Variants in NFIB observed in about 807,000 individuals in gnomAD.
NFIB encodes the protein nuclear factor I B, also known as nuclear factor 1 B-type.
A neutral mutation model predicts 61.5 loss-of-function variants in NFIB; 11 were observed. That is an observed-to-expected ratio of 0.18 (90% CI 0.11 to 0.30). The LOEUF (loss-of-function observed/expected upper bound fraction) is 0.30. Among genes scored for constraint, NFIB ranks in the 10% least tolerant of loss-of-function variants. The pLI is 1.00. For synonymous variants in NFIB, 260 were observed against 216.5 expected (o/e 1.20, Z -1.76); for missense variants, 471 against 608.9 (o/e 0.77, Z 2.38).
At position 14,307,484 on chromosome 9, in the gene NFIB, G is replaced by T. The variant is rs1321377017; in HGVS notation, c.67C>A (p.His23Asn). The change falls in exon 2 of 11, where the codon CAT becomes AAT. Residue 23 changes from histidine (H) to asparagine (N), a missense_variant. Transcript: ENST00000380953. This position sits in a 1 kb window ranked among gnomAD's most constrained non-coding sequence, Gnocchi z 5.3. The stretch of plus-strand genomic sequence containing the variant: ...CAAGTATAGGCAATTGCACGGACAT[G>T]TGGAAGAAGTGCCTCGATGAATGGG... ...FHPFIEALLP[H>N]VRAIAYTWFN... The T allele has an allele frequency of 1.2e-6, 2 of 1,610,610 alleles. No homozygotes were observed. Among genetic ancestry groups the T allele is most frequent in the Non-Finnish European group, 1.7e-6 (2 of 1,177,658 alleles).
the NFIB span, among the ~76,000 whole-genome samples, chr9:14,504,556 C>G: frequency 0.16 from 23,799 of 152,014 alleles, 1,940 homozygotes; most frequent in East Asian, 0.26. Flanking sequence ...CCTTGGTTAG[C>G]TGTATTCCTA....
chr9:14,485,018 G>A, the NFIB span, among the ~76,000 whole-genome samples: 1 of 152,192 alleles, frequency 6.6e-6, no homozygotes, highest in South Asian at 2.1e-4. Context: ...GAAAGAGAGA[G>A]AGAGAGATTG....
At chr9:14,420,378 G>A in the NFIB span, among the ~76,000 whole-genome samples, 1 of 143,408 alleles carries the variant, frequency 7.0e-6, no homozygotes. Context: ...CCCGGGAGGT[G>A]GAGGTTCCGG....
At chr9:14,154,885 T>A (rs1452815052) in intron 4 of NFIB, among the ~76,000 whole-genome samples, 2 of 152,164 alleles carry the variant, frequency 1.3e-5, no homozygotes, top group African/African-American at 4.8e-5. Context: ...CTTATTCTTA[T>A]CCTCAGTAAC....
chr9:14,155,430 C>T, intron 4 of NFIB, among the ~76,000 whole-genome samples: 1 of 152,136 alleles, frequency 6.6e-6, no homozygotes, highest in East Asian at 1.9e-4. Flanking sequence ...CATCTCCAAC[C>T]CCCACCAAAA....
intron 4 of NFIB, among the ~76,000 whole-genome samples, chr9:14,154,198 C>T (rs1363610751): frequency 6.6e-6 from 1 of 152,046 alleles, no homozygotes; most frequent in Admixed American, 6.6e-5. Context: ...TTTGACAGCC[C>T]TTAGCATAAT....
intron 2 of NFIB, among the ~76,000 whole-genome samples, chr9:14,180,190 T>A (rs2046614706): frequency 1.3e-5 from 2 of 152,210 alleles, no homozygotes; most frequent in African/African-American, 4.8e-5. Flanking sequence ...GAAAGTATGT[T>A]TTTATTCAAT....
the NFIB span, among the ~76,000 whole-genome samples, chr9:14,472,020 T>C: frequency 1.3e-5 from 2 of 152,228 alleles, no homozygotes; most frequent in Admixed American, 1.3e-4. Flanking sequence ...CTCTTTAGAC[T>C]GCCCTTGGCA....
intron 8 of NFIB, among the ~76,000 whole-genome samples, chr9:14,119,694 A>T (rs1388936739): frequency 6.6e-6 from 1 of 152,218 alleles, no homozygotes. Context: ...AAATTACATT[A>T]CATGTTTTAG....
At chr9:14,140,293 C>A (rs956060026) in intron 6 of NFIB, among the ~76,000 whole-genome samples, 4 of 152,198 alleles carry the variant, frequency 2.6e-5, no homozygotes, top group African/African-American at 9.6e-5. Context: ...TCTATGACAG[C>A]TGCTTATTCA....
chr9:14,235,841 C>A lies in NFIB; in HGVS notation c.563-56061G>T, dbSNP rs574613841. Among the ~76,000 whole-genome samples, 10 of 152,234 alleles carry A rather than the reference C, an allele frequency of 6.6e-5. No homozygotes were observed. In the South Asian group the frequency reaches 2.1e-3, roughly 32 times the overall value. ...GGAATGCTTGTCCTTATCAGAAACA[C>A]CACTTATCCCCAAGGCTTGAACTTT... On this transcript the variant is annotated intron_variant, in intron 2 of 10. Coordinates refer to ENST00000380953, the MANE Select transcript of NFIB (RefSeq NM_001190737.2).
chr9:14,185,596 T>C (rs541581462), intron 2 of NFIB, among the ~76,000 whole-genome samples: 2 of 152,210 alleles, frequency 1.3e-5, no homozygotes, highest in African/African-American at 2.4e-5. Context: ...TTTAGCCTTA[T>C]AGCCCTAATC....
chr9:14,334,018 C>T (rs2060853780), intron 1 of NFIB, among the ~76,000 whole-genome samples: 1 of 152,226 alleles, frequency 6.6e-6, no homozygotes, highest in Non-Finnish European at 1.5e-5. Context: ...ATGTGACATT[C>T]CTCTCTGCGA....
At chr9:14,405,398 C>T in the NFIB span, among the ~76,000 whole-genome samples, 1 of 152,152 alleles carries the variant, frequency 6.6e-6, no homozygotes, top group Non-Finnish European at 1.5e-5. Flanking sequence ...GTTGCCATAA[C>T]AAAAACCTAA....
chr9:14,125,731 T>C lies in NFIB; in HGVS notation c.961A>G (p.Lys321Glu), dbSNP rs2039558886. The change falls in exon 7 of 11, where the codon AAG becomes GAG. Residue 321 changes from lysine to glutamate, a missense_variant. By Grantham distance (56) the Lys-to-Glu change is moderately conservative. Coordinates refer to ENST00000380953, the MANE Select transcript of NFIB (RefSeq NM_001190737.2). ...SSPTTMKKPE[K>E]PLFSSASPQD... ...GGAGATGCAGAGCTGAACAATGGCTTTTCAGGCTTCTTCATAGTAGTCGGA... is the reference window on the plus strand; with the variant it reads ...GGAGATGCAGAGCTGAACAATGGCTCTTCAGGCTTCTTCATAGTAGTCGGA... 1 of 1,614,000 alleles carries C rather than the reference T, an allele frequency of 6.2e-7. No homozygotes were observed. Among genetic ancestry groups the C allele is most frequent in the Non-Finnish European group, 8.5e-7 (1 of 1,180,006 alleles).
intron 1 of NFIB, among the ~76,000 whole-genome samples, chr9:14,351,442 A>T (rs923807804): frequency 2.0e-5 from 3 of 152,132 alleles, no homozygotes; most frequent in African/African-American, 7.2e-5. Context: ...TGGACCTTGA[A>T]TCACACCCCT....
chr9:14,110,243 T>C (rs571693), intron 10 of NFIB, among the ~76,000 whole-genome samples: 1 of 151,968 alleles, frequency 6.6e-6, no homozygotes, highest in African/African-American at 2.4e-5. Context: ...CTCTAATTTA[T>C]GTAGGCTCTA....
At chr9:14,181,269 G>T (rs1028554951) in intron 2 of NFIB, among the ~76,000 whole-genome samples, 2 of 152,158 alleles carry the variant, frequency 1.3e-5, no homozygotes, top group East Asian at 3.8e-4. Context: ...TTCTAGAACA[G>T]ATTTCATGAG....
the NFIB span, among the ~76,000 whole-genome samples, chr9:14,412,806 G>T: frequency 1.4e-4 from 22 of 152,296 alleles, no homozygotes; most frequent in African/African-American, 5.3e-4. Flanking sequence ...AAAAGTAGGG[G>T]TGGGGTATGG....
Sources: gnomAD v4.1 joint callset for allele counts (sites outside exome capture counted in the v4.1 genomes callset) on GRCh38, gnomAD v4.1.1 for gene constraint, Gnocchi (gnomAD v3.1) non-coding constraint, MANE v1.5 for transcripts, NCBI Gene and HGNC (gene_info 2026-07-23, HGNC 2026-07-21) for gene names.